PPDPFL: variants seen among roughly 807,000 people sequenced by gnomAD.
The protein encoded by PPDPFL is pancreatic progenitor cell differentiation and proliferation factor like, also known as pancreatic progenitor cell differentiation and proliferation factor-like protein.
Under a neutral mutation model 12.6 loss-of-function variants are expected in PPDPFL, and 12 were observed. The observed-to-expected ratio is 0.95, with a 90% CI of 0.61 to 1.54. The LOEUF (loss-of-function observed/expected upper bound fraction) is 1.54, where lower values mean the gene tolerates loss of function less well. Ranked by LOEUF, PPDPFL falls within the 40% of genes most tolerant of loss-of-function variation. PPDPFL has a pLI of 0.00. For synonymous variants in PPDPFL, 24 were observed against 32.7 expected (o/e 0.73, Z 0.91); for missense variants, 114 against 96.0 (o/e 1.19, Z -0.78).
chr8:49,065,637 G>T (rs1270717748), intron 1 of PPDPFL, among the ~76,000 whole-genome samples: 1 of 152,180 alleles, frequency 6.6e-6, no homozygotes, highest in Non-Finnish European at 1.5e-5. Flanking sequence ...GGGCAAAAGA[G>T]AAATACTTGT....
At chr8:49,060,546 C>T (rs1585670388) in intron 1 of PPDPFL, among the ~76,000 whole-genome samples, 1 of 152,112 alleles carries the variant, frequency 6.6e-6, no homozygotes, top group African/African-American at 2.4e-5. Flanking sequence ...CTCCTGACCT[C>T]AGGTGATCTG....
intron 4 of PPDPFL, 127 bp from the exon 5 acceptor site, chr8:49,075,025 C>T: frequency 7.0e-7 from 1 of 1,437,092 alleles, no homozygotes; most frequent in Admixed American, 2.1e-5. Flanking sequence ...TTTTAAAAGC[C>T]AATGCAAGAT....
intron 1 of PPDPFL, among the ~76,000 whole-genome samples, chr8:49,055,468 C>A (rs892201544): frequency 1.1e-4 from 17 of 152,152 alleles, no homozygotes; most frequent in Admixed American, 6.5e-5. Flanking sequence ...GTTGATATGT[C>A]CTGGTCTCAG....
At chr8:49,073,043 C>A (rs2129246148) in intron 2 of PPDPFL, among the ~76,000 whole-genome samples, 158 bp downstream of exon 2, 1 of 152,350 alleles carries the variant, frequency 6.6e-6, no homozygotes, top group Middle Eastern at 3.4e-3. Flanking sequence ...CTTCTCTGAT[C>A]CAGTGCTGAC....
intron 1 of PPDPFL, among the ~76,000 whole-genome samples, chr8:49,060,686 CTG>C (rs1343554543): frequency 1.3e-5 from 2 of 152,000 alleles, no homozygotes; most frequent in Non-Finnish European, 2.9e-5. Flanking sequence ...AAAAAAATGA[CTG>C]TGTGAAATTT....
upstream of PPDPFL, among the ~76,000 whole-genome samples, chr8:49,070,343 C>T (rs953862286): frequency 1.3e-5 from 2 of 152,194 alleles, no homozygotes; most frequent in African/African-American, 4.8e-5. Flanking sequence ...AATGCCACAA[C>T]ACGTGTTACC....
At chr8:49,072,965 C>T in intron 2 of PPDPFL, 80 bp downstream of exon 2, 2 of 1,247,176 alleles carry the variant, frequency 1.6e-6, no homozygotes, top group Non-Finnish European at 2.3e-6. Context: ...ACACAGGTAT[C>T]ATGTTACCTT....
At chr8:49,063,059 C>G (rs1808238838) in intron 1 of PPDPFL, among the ~76,000 whole-genome samples, 1 of 152,160 alleles carries the variant, frequency 6.6e-6, no homozygotes, top group Admixed American at 6.5e-5. Flanking sequence ...TTGAGGACTT[C>G]TCAAACAAAA....
At chr8:49,066,692 A>G (rs569745636) in intron 1 of PPDPFL, among the ~76,000 whole-genome samples, 1 of 152,254 alleles carries the variant, frequency 6.6e-6, no homozygotes, top group Admixed American at 6.5e-5. Context: ...TCTAGATAAG[A>G]ACAACTTTCT....
At chr8:49,069,049 A>G (rs1808341897), upstream of PPDPFL, among the ~76,000 whole-genome samples, 1 of 152,204 alleles carries the variant, frequency 6.6e-6, no homozygotes, top group African/African-American at 2.4e-5. Context: ...ACTCAGATAA[A>G]AAGCTGGTAC....
chr8:49,056,048 T>C (rs1808107712), intron 1 of PPDPFL, among the ~76,000 whole-genome samples: 2 of 152,178 alleles, frequency 1.3e-5, no homozygotes, highest in South Asian at 4.1e-4. Flanking sequence ...AAACATCTTT[T>C]AACCATGAAA....
upstream of PPDPFL, among the ~76,000 whole-genome samples, chr8:49,071,517 A>G (rs1043943926): frequency 1.3e-5 from 2 of 152,116 alleles, no homozygotes; most frequent in African/African-American, 4.8e-5. Flanking sequence ...TTAGCCAGGC[A>G]TGGTAGCGCG....
intron 1 of PPDPFL, among the ~76,000 whole-genome samples, chr8:49,062,584 T>C (rs533856469): frequency 3.2e-4 from 48 of 152,242 alleles, no homozygotes; most frequent in African/African-American, 1.1e-3. Context: ...GGTGCTGTTA[T>C]AGAGTAGGAA....
At chr8:49,060,426 G>C (rs1808180637) in intron 1 of PPDPFL, among the ~76,000 whole-genome samples, 1 of 152,014 alleles carries the variant, frequency 6.6e-6, no homozygotes, top group African/African-American at 2.4e-5. Context: ...TGATTCTCCT[G>C]CCTCAGCCTC....
upstream of PPDPFL, among the ~76,000 whole-genome samples, chr8:49,069,860 G>A (rs1437690366): frequency 6.6e-6 from 1 of 152,130 alleles, no homozygotes; most frequent in Non-Finnish European, 1.5e-5. Context: ...GTGTGAACCC[G>A]GGAGGTGGAA....
chr8:49,073,100 A>G (rs1356934638), intron 2 of PPDPFL, among the ~76,000 whole-genome samples: 1 of 152,232 alleles, frequency 6.6e-6, no homozygotes, highest in Non-Finnish European at 1.5e-5. Flanking sequence ...AGCCATTGAC[A>G]CTTAAAAATC....
At chr8:49,072,719 C>T (rs749591697) in intron 1 of PPDPFL, 68 bp from the exon 2 acceptor site, 37 of 674,892 alleles carry the variant, frequency 5.5e-5, no homozygotes, top group African/African-American at 3.9e-4. Context: ...GTAACAGTCA[C>T]GTGGAAAAAA....
At chr8:49,058,377 C>T (rs1563297245) in intron 1 of PPDPFL, among the ~76,000 whole-genome samples, 1 of 152,152 alleles carries the variant, frequency 6.6e-6, no homozygotes, top group African/African-American at 2.4e-5. Context: ...CTGGAGGGCA[C>T]TCTGCTGGAA....
At chr8:49,074,357 AG>A (rs771565058) in intron 4 of PPDPFL, 24 bp downstream of exon 4, 2 of 1,606,372 alleles carry the variant, frequency 1.2e-6, no homozygotes, top group Non-Finnish European at 1.7e-6. Flanking sequence ...TTCTCTGGTA[AG>A]GGCAGTTCTT....
Sources: gnomAD v4.1 joint callset for allele counts (sites outside exome capture counted in the v4.1 genomes callset) on GRCh38, gnomAD v4.1.1 for gene constraint, MANE v1.5 for transcripts, NCBI Gene and HGNC (gene_info 2026-07-23, HGNC 2026-07-21) for gene names.